PTPRE: variants seen among roughly 807,000 people sequenced by gnomAD.
PTPRE encodes the protein protein tyrosine phosphatase receptor type E, also known as receptor-type tyrosine-protein phosphatase epsilon.
In PTPRE, 51 loss-of-function variants were observed where a neutral mutation model predicts 102.0. That is an observed-to-expected ratio of 0.50 (90% CI 0.40 to 0.63). PTPRE has a LOEUF of 0.63. Ranked by LOEUF, PTPRE falls within the 30% of genes least tolerant of loss-of-function variation. The probability of loss-of-function intolerance (pLI) is 0.00; values close to 1 mark genes in which losing one functional copy is unlikely to be tolerated. For missense variants in PTPRE, 752 were observed against 915.1 expected (o/e 0.82, Z 2.30); for synonymous variants, 345 against 348.2 (o/e 0.99, Z 0.10).
rs192174998 is a variant in PTPRE at position 128,025,220 on chromosome 10, T to C, written c.-7-15655T>C. Among the ~76,000 whole-genome samples, 4 of 151,678 alleles carry C rather than the reference T, an allele frequency of 2.6e-5. No homozygotes were observed. The East Asian group carries it at 7.7e-4, about 29-fold the overall frequency. ...CACTGAAATGAATTATGAAGCATTG[T>C]TAACTCTTAGACATAATGGATTTTT... On this transcript the variant is annotated intron_variant, in intron 2 of 20. Coordinates refer to ENST00000254667, the MANE Select transcript of PTPRE (RefSeq NM_006504.6).
At chr10:128,026,355 A>G (rs1846291587) in intron 2 of PTPRE, among the ~76,000 whole-genome samples, 1 of 152,226 alleles carries the variant, frequency 6.6e-6, no homozygotes, top group South Asian at 2.1e-4. Flanking sequence ...GCCAGCACAA[A>G]GCAGTATTTA....
At chr10:128,057,382 G>A (rs966080750) in intron 7 of PTPRE, among the ~76,000 whole-genome samples, 6 of 152,234 alleles carry the variant, frequency 3.9e-5, no homozygotes, top group East Asian at 1.9e-4. Context: ...TGCAGCCTCC[G>A]CCTGGTCCAC....
chr10:127,909,128 G>A (rs1845689795), intron 1 of PTPRE, among the ~76,000 whole-genome samples: 1 of 152,226 alleles, frequency 6.6e-6, no homozygotes, highest in Non-Finnish European at 1.5e-5. Context: ...CACCTCCACG[G>A]AAGCCTGGAG....
chr10:127,936,192 A>G (rs1847833431), intron 1 of PTPRE: 1 of 152,200 alleles, frequency 6.6e-6, no homozygotes, highest in African/African-American at 2.4e-5. Context: ...GTCATCTTGT[A>G]AAGGGGGACA....
chr10:128,057,873 G>A (rs962217376), intron 7 of PTPRE, among the ~76,000 whole-genome samples: 1 of 152,206 alleles, frequency 6.6e-6, no homozygotes, highest in African/African-American at 2.4e-5. Context: ...CATGGCTTGA[G>A]CAGCTCAAAG....
intron 2 of PTPRE, among the ~76,000 whole-genome samples, chr10:127,995,429 A>T (rs1853151050): frequency 6.6e-6 from 1 of 152,008 alleles, no homozygotes; most frequent in Non-Finnish European, 1.5e-5. Flanking sequence ...CTTCTTACTA[A>T]ATGTATCCAG....
At chr10:127,930,986 T>C (rs1160547076) in intron 1 of PTPRE, among the ~76,000 whole-genome samples, 4 of 151,982 alleles carry the variant, frequency 2.6e-5, no homozygotes, top group African/African-American at 9.7e-5. Context: ...AGGGACGGGG[T>C]TTCGCCATGT....
intron 2 of PTPRE, among the ~76,000 whole-genome samples, chr10:128,010,556 C>CTTTTA (rs1455304168): frequency 7.2e-6 from 1 of 139,030 alleles, no homozygotes; most frequent in South Asian, 2.2e-4. Context: ...CTTTTCTTTT[C>CTTTTA]TTTTCTTTTC....
At chr10:127,938,795 T>C (rs1027994838) in intron 1 of PTPRE, among the ~76,000 whole-genome samples, 3 of 152,198 alleles carry the variant, frequency 2.0e-5, no homozygotes, top group Admixed American at 1.3e-4. Context: ...GCCAGTCACC[T>C]TTCTTAGAGT....
intron 1 of PTPRE, among the ~76,000 whole-genome samples, chr10:127,966,626 GTAAGTTGGTC>G: frequency 6.6e-6 from 1 of 152,162 alleles, no homozygotes; most frequent in East Asian, 1.9e-4. Flanking sequence ...GCAAAGCAAG[GTAAGTTGGTC>G]ACCCCACCCG....
At chr10:127,968,492 C>T (rs1042674695) in intron 1 of PTPRE, among the ~76,000 whole-genome samples, 1 of 152,228 alleles carries the variant, frequency 6.6e-6, no homozygotes, top group Non-Finnish European at 1.5e-5. Context: ...GTCCTGGGAG[C>T]AGTCAGCCAG....
At chr10:128,021,152 C>G (rs979479051) in intron 2 of PTPRE, among the ~76,000 whole-genome samples, 4 of 152,180 alleles carry the variant, frequency 2.6e-5, no homozygotes, top group African/African-American at 9.7e-5. Flanking sequence ...GCCTTGGCCT[C>G]CCAAAGTGCT....
Position 128,063,194 on chromosome 10 carries a change from A to G in PTPRE, c.723+14A>G. 6.2e-7 allele frequency: 1 copy of G among 1,613,698 alleles called. No individual in the cohort carries two copies. The highest frequency in any genetic ancestry group is 8.5e-7 in the Non-Finnish European group (1 of 1,179,792). ...GAAAGGAAAGAGGTGAGTTCCAGGC[A>G]TCTGGCCCCGGTATCACTTCCTTTC... On this transcript the variant is annotated intron_variant, in intron 10 of 20. Coordinates refer to ENST00000254667, the MANE Select transcript of PTPRE (RefSeq NM_006504.6).
intron 1 of PTPRE, among the ~76,000 whole-genome samples, chr10:127,927,469 CA>C (rs1339504354): frequency 1.3e-5 from 2 of 152,106 alleles, no homozygotes; most frequent in Non-Finnish European, 2.9e-5. Flanking sequence ...GATGTGGGCC[CA>C]TATTATGGTT....
At chr10:128,030,311 G>T (rs1314174763) in intron 2 of PTPRE, among the ~76,000 whole-genome samples, 1 of 152,134 alleles carries the variant, frequency 6.6e-6, no homozygotes, top group Non-Finnish European at 1.5e-5. Context: ...TGATTTCGTG[G>T]GATTCTCTTG....
chr10:128,067,400 A>ACG (rs368472137), intron 11 of PTPRE, among the ~76,000 whole-genome samples: 1 of 148,428 alleles, frequency 6.7e-6, no homozygotes, highest in East Asian at 1.9e-4. Flanking sequence ...GCACACACAC[A>ACG]TACACGCACA....
At chr10:127,981,498 T>TA (rs199829051) in intron 1 of PTPRE, among the ~76,000 whole-genome samples, 1,850 of 150,654 alleles carry the variant, frequency 0.012, 33 homozygotes, top group African/African-American at 0.042. Flanking sequence ...CTGTTTTTTT[T>TA]TAAAAAATAA....
chr10:127,965,645 A>T (rs539229736), intron 1 of PTPRE, among the ~76,000 whole-genome samples: 1 of 152,340 alleles, frequency 6.6e-6, no homozygotes, highest in East Asian at 1.9e-4. Context: ...AATGAATATA[A>T]ATGTATTTTA....
intron 2 of PTPRE, chr10:127,999,814 A>C (rs1853681793): frequency 1.0e-6 from 1 of 985,382 alleles, no homozygotes; most frequent in African/African-American, 1.7e-5. Flanking sequence ...GGAAAATTAC[A>C]AAGGGAATAC....
Sources: allele counts gnomAD v4.1 joint callset (sites outside exome capture counted in the v4.1 genomes callset), GRCh38; gene constraint gnomAD v4.1.1; transcripts MANE v1.5; gene names NCBI Gene and HGNC (gene_info 2026-07-23, HGNC 2026-07-21).